Variants in UBA52 observed in about 807,000 individuals in gnomAD.
UBA52 encodes ubiquitin-ribosomal protein eL40 fusion protein.
In UBA52, 1 loss-of-function variant was observed where a neutral mutation model predicts 15.3. That is an observed-to-expected ratio of 0.07 (90% confidence interval 0.02 to 0.31). The LOEUF (loss-of-function observed/expected upper bound fraction) is 0.31, where lower values mean the gene tolerates loss of function less well. Among genes scored for constraint, UBA52 ranks in the 10% least tolerant of loss-of-function variants. The pLI, the probability that UBA52 is intolerant of heterozygous loss-of-function variation, is 1.00. For missense variants in UBA52, 87 were observed against 168.0 expected, an observed-to-expected ratio of 0.52 and a Z score of 2.66; for synonymous variants, 50 against 58.3, an observed-to-expected ratio of 0.86 and a Z score of 0.65.
At chr19:18,568,411 A>C, upstream of UBA52, 1 of 1,613,538 alleles carries the variant, frequency 6.2e-7, no homozygotes. Context: ...GATATCCCAG[A>C]GGCATCCTTC....
At chr19:18,574,693 T>C (rs1302324986) in intron 3 of UBA52, among the ~76,000 whole-genome samples, 177 bp from the exon 4 acceptor site, 1 of 152,204 alleles carries the variant, frequency 6.6e-6, no homozygotes, top group Non-Finnish European at 1.5e-5. Flanking sequence ...GGAGATTTCC[T>C]GGGGCAGGCT....
At chr19:18,572,483 C>G (rs1568427453) in intron 1 of UBA52, 1 of 152,238 alleles carries the variant, frequency 6.6e-6, no homozygotes, top group Non-Finnish European at 1.5e-5. Flanking sequence ...GCGCCTGCCA[C>G]CACGCCCAGT....
chr19:18,573,243 C>G, intron 1 of UBA52, 50 bp from the exon 2 acceptor site: 1 of 1,557,698 alleles, frequency 6.4e-7, no homozygotes, highest in Non-Finnish European at 8.8e-7. Context: ...GCTTGTGCTA[C>G]TCAGGCATGC....
At chr19:18,564,857 C>T in the UBA52 span, 4 of 1,613,140 alleles carry the variant, frequency 2.5e-6, no homozygotes, top group East Asian at 4.5e-5. Context: ...CATGCCCTCT[C>T]TCCACCATCA....
At chr19:18,564,260 A>T in the UBA52 span, among the ~76,000 whole-genome samples, 1 of 152,074 alleles carries the variant, frequency 6.6e-6, no homozygotes, top group South Asian at 2.1e-4. Context: ...AAAGCCAGAC[A>T]CAGACCCTCC....
rs1568431396 is a variant in UBA52, at chr19:18,575,628, T to A, written c.*478T>A. 1 of 177,692 alleles carries A rather than the reference T, an allele frequency of 5.6e-6. No individual in the cohort carries two copies. The highest frequency in any genetic ancestry group is 1.2e-5 in the Non-Finnish European group (1 of 82,764). 11.0% of individuals were successfully genotyped at this position (177,692 alleles called of 1,614,324 possible). On this transcript the variant is annotated 3_prime_UTR_variant, in exon 5 of 5. Coordinates refer to ENST00000442744, the MANE Select transcript of UBA52 (RefSeq NM_001033930.3). ...TTATACAAATGGGGTCTCACTATGTTGTCCAGGCTGGTCTTGAACTCCTGG... is the reference window on the plus strand; with the variant it reads ...TTATACAAATGGGGTCTCACTATGTAGTCCAGGCTGGTCTTGAACTCCTGG...
chr19:18,569,630 C>A (rs894722498), upstream of UBA52, among the ~76,000 whole-genome samples: 5 of 151,780 alleles, frequency 3.3e-5, no homozygotes, highest in African/African-American at 7.3e-5. Context: ...ATCCTCATTT[C>A]ATAATTCCTT....
chr19:18,575,339 G>T lies in UBA52; in HGVS notation c.*189G>T, dbSNP rs1286121364. Reference sequence around the variant, plus strand: ...GCACTCCATTCTGTGCCACCTGTGGGGTCTTCTGTCCTAGATTCTGTCACA... The same window carrying T: ...GCACTCCATTCTGTGCCACCTGTGGTGTCTTCTGTCCTAGATTCTGTCACA... On this transcript the variant is annotated 3_prime_UTR_variant, in exon 5 of 5. Transcript: ENST00000442744. The T allele has an allele frequency of 3.2e-6, 2 of 634,786 alleles. No homozygotes were observed. Among genetic ancestry groups the T allele is most frequent in the Non-Finnish European group, 2.7e-6 (1 of 367,788 alleles). The allele number at this position is 634,786 out of a possible 1,614,324, so 39.3% of individuals were successfully genotyped here. A position where few individuals can be genotyped will look rare whatever the true frequency, so the allele number is the denominator to read the frequency against.
rs1975719862 is a variant in UBA52, at chr19:18,575,050, T to G, written c.294-7T>G. The G allele has an allele frequency of 6.2e-7, 1 of 1,614,084 alleles. No individual in the cohort carries two copies. Among genetic ancestry groups the G allele is most frequent in the Admixed American group, 1.7e-5 (1 of 60,010 alleles). On this transcript the variant is annotated splice_region_variant and splice_polypyrimidine_tract_variant and intron_variant, in intron 4 of 4. Coordinates refer to ENST00000442744, the MANE Select transcript of UBA52 (RefSeq NM_001033930.3). The stretch of plus-strand genomic sequence containing the variant: ...TGCCCTCACCCACCCCTCCTGTCTC[T>G]GTGCAGGTGCTATGCTCGCCTTCAC...
At chr19:18,573,228 C>T (rs1975596743) in intron 1 of UBA52, 65 bp from the exon 2 acceptor site, 2 of 1,490,990 alleles carry the variant, frequency 1.3e-6, no homozygotes, top group Non-Finnish European at 9.3e-7. Context: ...GGTGTAGGCA[C>T]CTGAGCTTGT....
upstream of UBA52, among the ~76,000 whole-genome samples, chr19:18,568,106 A>G (rs140334079): frequency 6.4e-3 from 968 of 152,198 alleles, 12 homozygotes; most frequent in African/African-American, 0.023. Context: ...CGTCTCTAGT[A>G]AAAATACAAA....
At chr19:18,564,027 C>T in the UBA52 span, among the ~76,000 whole-genome samples, 4 of 152,182 alleles carry the variant, frequency 2.6e-5, no homozygotes, top group Admixed American at 2.6e-4. Context: ...GCTGGGATTA[C>T]AGGCGCCCGC....
In UBA52 at chr19:18,576,426, T is replaced by G. The variant is rs1189680896; in HGVS notation, c.*1276T>G. 1 of 152,174 alleles carries G rather than the reference T, an allele frequency of 6.6e-6. No homozygotes were observed. The highest frequency in any genetic ancestry group is 2.4e-5 in the African/African-American group (1 of 41,430). The allele number at this position is 152,174 out of a possible 1,614,324, so 9.4% of individuals were successfully genotyped here. ...CCAATTCCTGTTTTATTTACTGATT[T>G]AAAATTTTGAGACAGTCTCACTGTC... On this transcript the variant is annotated 3_prime_UTR_variant, in exon 5 of 5. Coordinates refer to ENST00000442744, the MANE Select transcript of UBA52 (RefSeq NM_001033930.3).
the UBA52 span, among the ~76,000 whole-genome samples, chr19:18,566,164 A>G: frequency 6.6e-6 from 1 of 151,822 alleles, no homozygotes; most frequent in Non-Finnish European, 1.5e-5. Context: ...AATGTAACAC[A>G]GTGCGGCTGG....
At chr19:18,570,026 TTG>T (rs1360599658), upstream of UBA52, among the ~76,000 whole-genome samples, 2 of 152,076 alleles carry the variant, frequency 1.3e-5, no homozygotes, top group Non-Finnish European at 2.9e-5. Flanking sequence ...ACCAAAACTG[TTG>T]TCTCAAAAAA....
chr19:18,564,222 C>T, the UBA52 span, among the ~76,000 whole-genome samples: 2 of 152,046 alleles, frequency 1.3e-5, no homozygotes, highest in Non-Finnish European at 2.9e-5. Flanking sequence ...AGACCTGGCT[C>T]TGGGAAACTT....
chr19:18,572,791 T>C, intron 1 of UBA52: 1 of 1,004,208 alleles, frequency 1.0e-6, no homozygotes, highest in Non-Finnish European at 1.2e-6. Context: ...GTGCTCCAGC[T>C]TGGAGTTAGA....
At chr19:18,572,296 T>A (rs1053470744) in intron 1 of UBA52, 2 of 152,250 alleles carry the variant, frequency 1.3e-5, no homozygotes, top group African/African-American at 4.8e-5. Flanking sequence ...AAGGAGGAGC[T>A]GGTGGTAGTG....
At chr19:18,573,514 G>A in intron 2 of UBA52, 111 bp downstream of exon 2, 1 of 1,288,308 alleles carries the variant, frequency 7.8e-7, no homozygotes, top group Non-Finnish European at 1.1e-6. Flanking sequence ...TTTTGCCCTT[G>A]CTTCTCCATG....
Sources: allele counts gnomAD v4.1 joint callset (sites outside exome capture counted in the v4.1 genomes callset), GRCh38; gene constraint gnomAD v4.1.1; transcripts MANE v1.5; gene names NCBI Gene and HGNC (gene_info 2026-07-23, HGNC 2026-07-21).